Variants in DENND5B observed in about 807,000 individuals in gnomAD.
The protein encoded by DENND5B is DENN domain containing 5B.
Under a neutral mutation model 140.6 loss-of-function variants are expected in DENND5B, and 34 were observed. That is an observed-to-expected ratio of 0.24 (90% CI 0.18 to 0.32). The LOEUF is 0.32. Among genes scored for constraint, DENND5B ranks in the 10% least tolerant of loss-of-function variants. The probability of loss-of-function intolerance (pLI) is 1.00; values close to 1 mark genes in which losing one functional copy is unlikely to be tolerated. For missense variants in DENND5B, 1,142 were observed against 1,560.2 expected, an observed-to-expected ratio of 0.73 and a Z score of 4.52; for synonymous variants, 551 against 562.1, an observed-to-expected ratio of 0.98 and a Z score of 0.28.
At chr12:31,485,874 A>T (rs1946286518) in intron 2 of DENND5B, among the ~76,000 whole-genome samples, 1 of 152,204 alleles carries the variant, frequency 6.6e-6, no homozygotes, top group African/African-American at 2.4e-5. Flanking sequence ...AGACAGAAGG[A>T]GCCCTAGCTA....
intron 11 of DENND5B, among the ~76,000 whole-genome samples, chr12:31,418,050 A>C (rs554343995): frequency 6.6e-6 from 1 of 152,280 alleles, no homozygotes; most frequent in East Asian, 1.9e-4. Flanking sequence ...TGGGGTTGCC[A>C]GAAGGAAGAG....
chr12:31,516,630 G>A (rs930289208), intron 1 of DENND5B, among the ~76,000 whole-genome samples: 4 of 152,022 alleles, frequency 2.6e-5, no homozygotes. Flanking sequence ...TACGATTTAT[G>A]TGCTCCTTCA....
At chr12:31,420,019 C>G (rs1367964846) in intron 11 of DENND5B, 3 of 983,730 alleles carry the variant, frequency 3.0e-6, no homozygotes, top group Non-Finnish European at 3.6e-6. Flanking sequence ...CATTTCCACT[C>G]CCTTCAGTGG....
intron 11 of DENND5B, among the ~76,000 whole-genome samples, chr12:31,415,773 A>C (rs749067242): frequency 3.3e-5 from 5 of 152,074 alleles, no homozygotes; most frequent in Non-Finnish European, 7.4e-5. Flanking sequence ...TTTTTTGTAG[A>C]GACGGGGTCT....
At chr12:31,483,999 C>T (rs898181860) in intron 2 of DENND5B, among the ~76,000 whole-genome samples, 1 of 151,472 alleles carries the variant, frequency 6.6e-6, no homozygotes, top group Non-Finnish European at 1.5e-5. Flanking sequence ...GACTACAGGC[C>T]TGCACCACCA....
intron 1 of DENND5B, among the ~76,000 whole-genome samples, chr12:31,502,050 C>T (rs1947027726): frequency 6.6e-6 from 1 of 152,110 alleles, no homozygotes. Flanking sequence ...GGCGCAGTGG[C>T]TCACGCCTGT....
In DENND5B at chr12:31,421,524, G is replaced by T. The variant is rs547744870; in HGVS notation, c.2470+2073C>A. On this transcript the variant is annotated intron_variant, in intron 11 of 20. Transcript: ENST00000389082. The stretch of plus-strand genomic sequence containing the variant: ...ATGAGAGATTTCAATTTAAACTGAT[G>T]TTTTAATACATATTTCATATTCCTA... Among the ~76,000 whole-genome samples the T allele has an allele frequency of 2.7e-5, 4 of 150,488 alleles. No individual in the cohort carries two copies. In the South Asian group the frequency reaches 8.6e-4, roughly 32 times the overall value.
chr12:31,489,392 A>G (rs1330425902), intron 2 of DENND5B, among the ~76,000 whole-genome samples: 2 of 151,872 alleles, frequency 1.3e-5, no homozygotes, highest in Non-Finnish European at 2.9e-5. Context: ...TCCTTTAGGG[A>G]GTTCACAGTC....
At chr12:31,554,371 T>C (rs1294419352) in intron 1 of DENND5B, among the ~76,000 whole-genome samples, 1 of 152,214 alleles carries the variant, frequency 6.6e-6, no homozygotes, top group African/African-American at 2.4e-5. Flanking sequence ...TTCTTTTCTT[T>C]AAGAATGTTG....
chr12:31,531,740 T>C (rs1948292616), intron 1 of DENND5B, among the ~76,000 whole-genome samples: 1 of 152,120 alleles, frequency 6.6e-6, no homozygotes, highest in South Asian at 2.1e-4. Flanking sequence ...AGTTCAAAAT[T>C]CACTTAAATA....
chr12:31,559,889 A>C (rs2139318738), intron 1 of DENND5B, among the ~76,000 whole-genome samples: 1 of 152,288 alleles, frequency 6.6e-6, no homozygotes, highest in Middle Eastern at 3.4e-3. Context: ...AGATACTCTT[A>C]GTGCTGCTGC....
chr12:31,535,096 A>G, intron 1 of DENND5B: 1 of 311,406 alleles, frequency 3.2e-6, no homozygotes, highest in South Asian at 2.9e-5. Flanking sequence ...AAAAAAAAAA[A>G]AAAAAAGGCT....
chr12:31,490,023 CAG>C (rs906183141), intron 2 of DENND5B, among the ~76,000 whole-genome samples: 20 of 151,968 alleles, frequency 1.3e-4, no homozygotes, highest in Non-Finnish European at 2.9e-5. Context: ...GTATACGGAA[CAG>C]AGAGAAGTAG....
intron 1 of DENND5B, among the ~76,000 whole-genome samples, chr12:31,583,322 G>GAA (rs35758938): frequency 1.3e-5 from 2 of 149,794 alleles, no homozygotes; most frequent in East Asian, 2.0e-4. Context: ...GAGAGAGAGA[G>GAA]AAAAGAATGC....
At chr12:31,398,121 G>A in intron 17 of DENND5B, 54 bp downstream of exon 17, 1 of 1,468,858 alleles carries the variant, frequency 6.8e-7, no homozygotes, top group East Asian at 2.5e-5. Context: ...CTATCAAATG[G>A]TCACATGAAG....
chr12:31,543,810 A>T (rs993289119), intron 1 of DENND5B, among the ~76,000 whole-genome samples: 1 of 152,230 alleles, frequency 6.6e-6, no homozygotes, highest in Admixed American at 6.5e-5. Context: ...ATAAATTCCA[A>T]GTATATCACA....
intron 7 of DENND5B, among the ~76,000 whole-genome samples, chr12:31,436,520 C>T (rs1375270635): frequency 6.6e-6 from 1 of 152,066 alleles, no homozygotes; most frequent in African/African-American, 2.4e-5. Flanking sequence ...GCTCTTTCTA[C>T]TTTTAAGCTC....
intron 1 of DENND5B, among the ~76,000 whole-genome samples, chr12:31,562,853 T>A (rs1397833510): frequency 2.0e-5 from 3 of 152,110 alleles, no homozygotes; most frequent in African/African-American, 7.2e-5. Context: ...TCCTAACACA[T>A]GGGAACAAAA....
intron 1 of DENND5B, among the ~76,000 whole-genome samples, chr12:31,579,035 C>T (rs2139458136): frequency 6.6e-6 from 1 of 152,324 alleles, no homozygotes; most frequent in East Asian, 1.9e-4. Flanking sequence ...CTTAATAATG[C>T]TAGCACATAT....
Sources: allele counts gnomAD v4.1 joint callset (sites outside exome capture counted in the v4.1 genomes callset), GRCh38; gene constraint gnomAD v4.1.1; transcripts MANE v1.5; gene names NCBI Gene and HGNC (gene_info 2026-07-23, HGNC 2026-07-21).